Variants in SCN3B observed in about 807,000 individuals in gnomAD.
The protein encoded by SCN3B is sodium voltage-gated channel beta subunit 3.
SCN3B carries 11 observed loss-of-function variants against 25.4 expected under a neutral mutation model. The ratio of observed to expected loss-of-function variants is 0.43; its 90% CI spans 0.27 to 0.72. The LOEUF is 0.72. SCN3B is among the 30% of genes least tolerant of loss of function. The pLI is 0.18. For synonymous variants in SCN3B, 109 were observed against 110.7 expected (o/e 0.99, Z 0.09); for missense variants, 218 against 278.3 (o/e 0.78, Z 1.54).
chr11:123,653,912 G>GCAGTT, intron 1 of SCN3B, 86 bp from the exon 2 acceptor site: 1 of 1,273,776 alleles, frequency 7.9e-7, no homozygotes, highest in Non-Finnish European at 1.1e-6. Context: ...CCCCCAGGGG[G>GCAGTT]CGACTTTCTG....
chr11:123,649,079 T>TG lies in SCN3B; in HGVS notation c.56-3330dup, dbSNP rs112738218. ...GTGGAATCAAAACAGTTAAGAGGTC[T>TG]GGTACAGGGATCGGATTGGAAGACG... On this transcript the variant is annotated intron_variant, in intron 2 of 6. Coordinates refer to ENST00000299333, the MANE Select transcript of SCN3B (RefSeq NM_001040151.2). 2.3e-3 allele frequency among the ~76,000 whole-genome samples: 351 copies of TG among 152,310 alleles called. 4 individuals carry two copies. The highest frequency in any genetic ancestry group is 0.016 in the South Asian group (78 of 4,824).
At chr11:123,638,421 A>G in intron 4 of SCN3B, 97 bp from the exon 5 acceptor site, 2 of 1,518,208 alleles carry the variant, frequency 1.3e-6, no homozygotes, top group Non-Finnish European at 1.8e-6. Flanking sequence ...ATAAAGACTG[A>G]GTAAAGAAAC....
intron 2 of SCN3B, among the ~76,000 whole-genome samples, chr11:123,647,612 T>A (rs985387913): frequency 6.6e-6 from 1 of 152,174 alleles, no homozygotes; most frequent in African/African-American, 2.4e-5. Context: ...TAATACACAC[T>A]ACATTTAAAA....
At chr11:123,633,862 T>C (rs575556947) in intron 6 of SCN3B, 86 bp from the exon 7 acceptor site, 32 of 409,666 alleles carry the variant, frequency 7.8e-5, no homozygotes, top group Admixed American at 1.4e-4. Context: ...AAGAAGGGAG[T>C]TGGAGAATCC....
In SCN3B at chr11:123,645,596, T is replaced by C; in HGVS notation, c.210A>G (p.Lys70=). The C allele has an allele frequency of 6.2e-7, 1 of 1,614,146 alleles. No homozygotes were observed. Among genetic ancestry groups the C allele is most frequent in the South Asian group, 1.1e-5 (1 of 91,086 alleles). Residue 70 remains lysine (K), a synonymous_variant, in exon 3 of 7, where the codon AAA becomes AAG. Transcript: ENST00000299333. The stretch of plus-strand genomic sequence containing the variant: ...CAGCAGTCTAACATACAAGGAAATC[T>C]TTACCGCCCTCGGGCCTGTAGAACC... ...VEWFYRPEGG[K]DFLIYEYRNG... is the part of the protein sequence containing the mutation.
chr11:123,645,373 C>T (rs2137246511), intron 3 of SCN3B, among the ~76,000 whole-genome samples: 1 of 152,260 alleles, frequency 6.6e-6, no homozygotes, highest in Middle Eastern at 3.4e-3. Flanking sequence ...TTCCTCCAGC[C>T]CATAATCAAG....
intron 5 of SCN3B, among the ~76,000 whole-genome samples, chr11:123,635,914 TA>T (rs1955719457): frequency 2.0e-5 from 3 of 152,222 alleles, no homozygotes; most frequent in Non-Finnish European, 2.9e-5. Flanking sequence ...GTCCCTTGGT[TA>T]AGACTATTTT....
At chr11:123,643,583 G>T (rs1213972243) in intron 3 of SCN3B, among the ~76,000 whole-genome samples, 1 of 152,244 alleles carries the variant, frequency 6.6e-6, no homozygotes, top group African/African-American at 2.4e-5. Flanking sequence ...CCACTGTATC[G>T]CACAGCACAG....
chr11:123,645,654 C>G lies in SCN3B; in HGVS notation c.152G>C (p.Arg51Thr). The G allele has an allele frequency of 6.2e-7, 1 of 1,614,188 alleles. No homozygotes were observed. Among genetic ancestry groups the G allele is most frequent in the Non-Finnish European group, 8.5e-7 (1 of 1,180,022 alleles). Reference sequence around the variant, plus strand: ...CACCGTGGTGGCCTCCACCTCCTCTCTCTTCATGCAGGAGATGCAGCGCAG... The same window carrying G: ...CACCGTGGTGGCCTCCACCTCCTCTGTCTTCATGCAGGAGATGCAGCGCAG... ...MKLRCISCMKREEVEATTVVE... is the reference protein window; with the variant it reads ...MKLRCISCMKTEEVEATTVVE... The change falls in exon 3 of 7, where the codon AGA becomes ACA. Residue 51 changes from arginine to threonine, a missense_variant. Physicochemically the swap from Arg to Thr is moderately conservative, Grantham distance 71. Coordinates refer to ENST00000299333, the MANE Select transcript of SCN3B (RefSeq NM_001040151.2).
intron 2 of SCN3B, among the ~76,000 whole-genome samples, chr11:123,652,634 C>T (rs1175405167): frequency 6.6e-6 from 1 of 152,126 alleles, no homozygotes; most frequent in Admixed American, 6.5e-5. Flanking sequence ...GTCCAATTAC[C>T]CTGTGTATTG....
chr11:123,645,565 C>A lies in SCN3B; in HGVS notation c.219+22G>T, dbSNP rs764874219. ...CAGCAGAGGCCAGCAGAAGAAAGGC[C>A]AGAGTCAGCAGTCTAACATACAAGG... On this transcript the variant is annotated intron_variant, in intron 3 of 6. Transcript: ENST00000299333. 5 of 1,613,964 alleles carry A rather than the reference C, an allele frequency of 3.1e-6. No homozygotes were observed. The Admixed American group carries it at 8.3e-5, about 27-fold the overall frequency.
intron 5 of SCN3B, among the ~76,000 whole-genome samples, chr11:123,637,477 G>T (rs1955741932): frequency 6.6e-6 from 1 of 152,100 alleles, no homozygotes; most frequent in South Asian, 2.1e-4. Flanking sequence ...AGTCGGCTTG[G>T]CATTTACAGA....
intron 2 of SCN3B, among the ~76,000 whole-genome samples, chr11:123,653,339 T>G (rs939606657): frequency 6.6e-6 from 1 of 150,998 alleles, no homozygotes; most frequent in African/African-American, 2.5e-5. Flanking sequence ...TTTTTTTTTT[T>G]TAATATACAG....
At chr11:123,635,855 GA>G (rs1955718982) in intron 5 of SCN3B, among the ~76,000 whole-genome samples, 1 of 152,170 alleles carries the variant, frequency 6.6e-6, no homozygotes, top group African/African-American at 2.4e-5. Context: ...AACAATACAT[GA>G]CAGGGACCTA....
chr11:123,645,844 A>G, intron 2 of SCN3B, 94 bp from the exon 3 acceptor site: 4 of 1,448,760 alleles, frequency 2.8e-6, no homozygotes, highest in Non-Finnish European at 3.9e-6. Flanking sequence ...GAGGGAAGAG[A>G]GACAGAGAAG....
At chr11:123,644,796 AGAGAATATATATATATAT>A (rs1361755979) in intron 3 of SCN3B, among the ~76,000 whole-genome samples, 5 of 53,470 alleles carry the variant, frequency 9.4e-5, no homozygotes, top group African/African-American at 1.5e-4. Flanking sequence ...AGAGAGAGAG[AGAGAATATATATATATAT>A]ATATATATAT....
chr11:123,643,353 T>C (rs1955812680), intron 3 of SCN3B, among the ~76,000 whole-genome samples: 3 of 152,228 alleles, frequency 2.0e-5, no homozygotes, highest in Non-Finnish European at 2.9e-5. Context: ...TAAATTTCTT[T>C]CCTCAACACT....
At position 123,634,116 on chromosome 11, in the gene SCN3B, G is replaced by A; in HGVS notation, c.*22+5C>T. On this transcript the variant is annotated splice_donor_5th_base_variant and intron_variant, in intron 6 of 6. Coordinates refer to ENST00000299333, the MANE Select transcript of SCN3B (RefSeq NM_001040151.2). The stretch of plus-strand genomic sequence containing the variant: ...GCCTTCCCCTCCCATGTTCCTGTAG[G>A]TCACCTCATGTCACACTGCTCCTGT... 2 of 1,609,310 alleles carry A rather than the reference G, an allele frequency of 1.2e-6. No homozygotes were observed. The highest frequency in any genetic ancestry group is 1.7e-6 in the Non-Finnish European group (2 of 1,175,814).
At chr11:123,638,357 A>G (rs757324218) in intron 4 of SCN3B, 33 bp from the exon 5 acceptor site, 12 of 1,613,014 alleles carry the variant, frequency 7.4e-6, no homozygotes, top group Non-Finnish European at 1.0e-5. Context: ...CAGAATATGC[A>G]AATCCAGCAA....
Sources: gnomAD v4.1 joint callset for allele counts (sites outside exome capture counted in the v4.1 genomes callset) on GRCh38, gnomAD v4.1.1 for gene constraint, MANE v1.5 for transcripts, NCBI Gene and HGNC (gene_info 2026-07-23, HGNC 2026-07-21) for gene names.